Variants in RIT2 observed in about 807,000 individuals in gnomAD.
RIT2 encodes the protein GTP-binding protein Rit2.
Under a neutral mutation model 23.7 loss-of-function variants are expected in RIT2, and 24 were observed. That is an observed-to-expected ratio of 1.01 (90% confidence interval 0.73 to 1.43). The LOEUF is 1.43. Ranked by LOEUF, RIT2 falls within the 40% of genes most tolerant of loss-of-function variation. RIT2 has a pLI of 0.00. For synonymous variants in RIT2, 107 were observed against 91.1 expected (o/e 1.17, Z -0.99); for missense variants, 236 against 266.9 (o/e 0.88, Z 0.81).
intron 1 of RIT2, among the ~76,000 whole-genome samples, chr18:43,067,412 T>A (rs1912796534): frequency 6.6e-6 from 1 of 152,110 alleles, no homozygotes; most frequent in Non-Finnish European, 1.5e-5. Context: ...TTGGGAAACC[T>A]GAGAACATGT....
intron 4 of RIT2, among the ~76,000 whole-genome samples, chr18:42,855,423 T>A (rs771999450): frequency 6.6e-6 from 1 of 152,214 alleles, no homozygotes; most frequent in Non-Finnish European, 1.5e-5. Context: ...AGGTTAACCA[T>A]CTCTGCTCAC....
intron 4 of RIT2, among the ~76,000 whole-genome samples, chr18:42,884,771 A>T (rs926466064): frequency 2.0e-5 from 3 of 152,220 alleles, no homozygotes; most frequent in African/African-American, 4.8e-5. Flanking sequence ...AAGTGAGAGA[A>T]TTTTAAAACT....
chr18:42,990,557 A>T (rs1910818457), intron 2 of RIT2, among the ~76,000 whole-genome samples: 1 of 152,108 alleles, frequency 6.6e-6, no homozygotes. Flanking sequence ...TGTTAAAGAA[A>T]TGTTTTAATT....
chr18:42,850,464 AAT>A (rs1332592892), intron 4 of RIT2, among the ~76,000 whole-genome samples: 1 of 152,184 alleles, frequency 6.6e-6, no homozygotes, highest in African/African-American at 2.4e-5. Context: ...TGACTGTGTT[AAT>A]AGCCTTTACG....
intron 4 of RIT2, among the ~76,000 whole-genome samples, chr18:42,829,741 GT>G (rs1906402947): frequency 6.6e-6 from 1 of 152,086 alleles, no homozygotes; most frequent in African/African-American, 2.4e-5. Context: ...AGTGTGTGAG[GT>G]TAGGAGATGT....
chr18:42,957,058 T>C (rs1909989013), intron 3 of RIT2, among the ~76,000 whole-genome samples: 1 of 152,182 alleles, frequency 6.6e-6, no homozygotes, highest in African/African-American at 2.4e-5. Flanking sequence ...CCTGATTTCA[T>C]ACTATTAATC....
chr18:42,821,379 G>A (rs1321458676), intron 4 of RIT2, among the ~76,000 whole-genome samples: 1 of 152,088 alleles, frequency 6.6e-6, no homozygotes, highest in Non-Finnish European at 1.5e-5. Context: ...ATGACTATAA[G>A]TAGGTTAGTT....
intron 4 of RIT2, among the ~76,000 whole-genome samples, chr18:42,894,559 G>C (rs1908271811): frequency 1.3e-5 from 2 of 152,130 alleles, no homozygotes; most frequent in Non-Finnish European, 2.9e-5. Context: ...GATAATTAAA[G>C]GCTATGCTGT....
At chr18:42,868,238 TA>T (rs1291992732) in intron 4 of RIT2, among the ~76,000 whole-genome samples, 2 of 152,230 alleles carry the variant, frequency 1.3e-5, no homozygotes, top group Non-Finnish European at 2.9e-5. Context: ...AAATGTGATT[TA>T]AATCAATGGT....
chr18:43,044,633 T>G (rs981233269), intron 1 of RIT2, among the ~76,000 whole-genome samples: 1 of 152,232 alleles, frequency 6.6e-6, no homozygotes, highest in Non-Finnish European at 1.5e-5. Flanking sequence ...AGGGCTGGTA[T>G]GTCTACCTTT....
chr18:42,799,997 A>C (rs2143960381), intron 4 of RIT2, among the ~76,000 whole-genome samples: 1 of 152,306 alleles, frequency 6.6e-6, no homozygotes, highest in African/African-American at 2.4e-5. Flanking sequence ...CCCTCCACGA[A>C]GCTATCGGCT....
chr18:42,835,998 G>A (rs1906593026), intron 4 of RIT2, among the ~76,000 whole-genome samples: 1 of 152,108 alleles, frequency 6.6e-6, no homozygotes, highest in Admixed American at 6.6e-5. Context: ...GGGAAATGAG[G>A]TAATCTTTAA....
At chr18:43,081,861 TTTCC>T (rs1429913170) in intron 1 of RIT2, among the ~76,000 whole-genome samples, 2 of 152,074 alleles carry the variant, frequency 1.3e-5, no homozygotes, top group African/African-American at 4.8e-5. Context: ...ACTTTTCTTC[TTTCC>T]TTCCTTTCTT....
At chr18:43,100,270 C>T (rs1022811693) in intron 1 of RIT2, among the ~76,000 whole-genome samples, 1 of 151,996 alleles carries the variant, frequency 6.6e-6, no homozygotes, top group Non-Finnish European at 1.5e-5. Context: ...AGAAAAGTAT[C>T]CCAGGCAGAG....
chr18:42,950,538 C>T (rs1314675188), intron 3 of RIT2, among the ~76,000 whole-genome samples: 1 of 151,990 alleles, frequency 6.6e-6, no homozygotes, highest in African/African-American at 2.4e-5. Flanking sequence ...CAAAAAATGA[C>T]AAGTGGGAGC....
At chr18:42,962,840 A>C (rs1034782624) in intron 3 of RIT2, among the ~76,000 whole-genome samples, 2 of 152,168 alleles carry the variant, frequency 1.3e-5, no homozygotes, top group African/African-American at 4.8e-5. Context: ...CTAGTATACA[A>C]ATAAACTTCA....
intron 3 of RIT2, among the ~76,000 whole-genome samples, chr18:42,935,594 C>T (rs1178172101): frequency 6.6e-6 from 1 of 152,048 alleles, no homozygotes; most frequent in Non-Finnish European, 1.5e-5. Flanking sequence ...GTGTGTTCAT[C>T]TTTATACAGT....
At chr18:42,946,185 G>A (rs540909213) in intron 3 of RIT2, among the ~76,000 whole-genome samples, 4 of 152,152 alleles carry the variant, frequency 2.6e-5, no homozygotes, top group East Asian at 1.9e-4. Context: ...ATGCTAATAC[G>A]ACATTTTTAT....
At chr18:42,984,808 C>G (rs889592001) in intron 2 of RIT2, among the ~76,000 whole-genome samples, 5 of 151,956 alleles carry the variant, frequency 3.3e-5, no homozygotes, top group Non-Finnish European at 7.4e-5. Context: ...CTAAACAAAA[C>G]CGAAAGCTAA....
Sources: gnomAD v4.1 joint callset for allele counts (sites outside exome capture counted in the v4.1 genomes callset) on GRCh38, gnomAD v4.1.1 for gene constraint, MANE v1.5 for transcripts, NCBI Gene and HGNC (gene_info 2026-07-23, HGNC 2026-07-21) for gene names.